PDE3B: variants seen among roughly 807,000 people sequenced by gnomAD.
The protein encoded by PDE3B is cGMP-inhibited 3',5'-cyclic phosphodiesterase 3B.
PDE3B carries 66 observed loss-of-function variants against 116.8 expected under a neutral mutation model. The ratio of observed to expected loss-of-function variants is 0.56; its 90% CI spans 0.46 to 0.69. The LOEUF is 0.69. Ranked by LOEUF, PDE3B falls within the 30% of genes least tolerant of loss-of-function variation. The pLI, the probability that PDE3B is intolerant of heterozygous loss-of-function variation, is 0.00. For missense variants in PDE3B, 1,384 were observed against 1,368.1 expected (o/e 1.01, Z -0.18); for synonymous variants, 595 against 533.6 (o/e 1.12, Z -1.59).
intron 1 of PDE3B, among the ~76,000 whole-genome samples, chr11:14,723,921 G>A (rs1186930241): frequency 6.6e-6 from 1 of 152,192 alleles, no homozygotes; most frequent in African/African-American, 2.4e-5. Flanking sequence ...AGACTAGCAA[G>A]GCCTTGGAAG....
At chr11:14,754,845 CTA>C (rs1397797244) in intron 1 of PDE3B, among the ~76,000 whole-genome samples, 1 of 152,154 alleles carries the variant, frequency 6.6e-6, no homozygotes, top group Non-Finnish European at 1.5e-5. Context: ...GATTTGAACT[CTA>C]TAGGCTCTTT....
rs117671505 is a variant in PDE3B, at chr11:14,828,605, A to G, written c.1808-2093A>G. Reference sequence around the variant, plus strand: ...TAGCGAAATGCAAGTCAAAACCACAATGAAACACCATCTAACACCAGTCAG... The same window carrying G: ...TAGCGAAATGCAAGTCAAAACCACAGTGAAACACCATCTAACACCAGTCAG... On this transcript the variant is annotated intron_variant, in intron 7 of 15. Coordinates refer to ENST00000282096, the MANE Select transcript of PDE3B (RefSeq NM_000922.4). Among the ~76,000 whole-genome samples, 257 of 152,332 alleles carry G rather than the reference A, an allele frequency of 1.7e-3. 2 individuals carry two copies. In the East Asian group the frequency reaches 0.021, roughly 12 times the overall value.
the PDE3B span, chr11:14,890,540 T>A: frequency 2.9e-6 from 1 of 350,344 alleles, no homozygotes; most frequent in Non-Finnish European, 3.7e-6. Flanking sequence ...ACCAATTCTT[T>A]TTTTTTTTTT....
At chr11:14,662,197 G>C (rs778677278) in intron 1 of PDE3B, among the ~76,000 whole-genome samples, 19 of 152,270 alleles carry the variant, frequency 1.2e-4, no homozygotes, top group Non-Finnish European at 1.5e-4. Flanking sequence ...CAGGCAAACA[G>C]GGTCTGGAGT....
At chr11:14,673,813 C>G (rs1174001049) in intron 1 of PDE3B, 1 of 925,552 alleles carries the variant, frequency 1.1e-6, no homozygotes, top group African/African-American at 1.6e-5. Flanking sequence ...TTGGGGTGAT[C>G]TGCAAGAATT....
intron 1 of PDE3B, among the ~76,000 whole-genome samples, chr11:14,681,930 T>C (rs1854722632): frequency 6.6e-6 from 1 of 152,174 alleles, no homozygotes; most frequent in Non-Finnish European, 1.5e-5. Flanking sequence ...ACCTAACTAC[T>C]GATAGCCTGC....
chr11:14,856,404 C>T (rs1437891961), intron 12 of PDE3B, among the ~76,000 whole-genome samples: 2 of 152,052 alleles, frequency 1.3e-5, no homozygotes, highest in East Asian at 3.9e-4. Context: ...AGCTGTTTGT[C>T]AAGACTATTT....
intron 1 of PDE3B, among the ~76,000 whole-genome samples, chr11:14,729,935 A>G (rs1282725523): frequency 6.6e-6 from 1 of 152,214 alleles, no homozygotes; most frequent in Non-Finnish European, 1.5e-5. Flanking sequence ...TTGAAACGTT[A>G]CTGAGAAGCT....
chr11:14,837,078 T>C (rs932004471), intron 11 of PDE3B, among the ~76,000 whole-genome samples: 2 of 152,218 alleles, frequency 1.3e-5, no homozygotes, highest in Non-Finnish European at 2.9e-5. Context: ...CCTCTCAAAG[T>C]GTTAGGATTA....
At chr11:14,712,810 A>G (rs1855749348) in intron 1 of PDE3B, among the ~76,000 whole-genome samples, 1 of 152,154 alleles carries the variant, frequency 6.6e-6, no homozygotes, top group Admixed American at 6.5e-5. Context: ...AATTCTGTGG[A>G]TTGATTTAAC....
intron 1 of PDE3B, among the ~76,000 whole-genome samples, chr11:14,660,004 C>T (rs1195168160): frequency 6.6e-6 from 1 of 152,114 alleles, no homozygotes. Context: ...AATAGTTCAC[C>T]CACACATTCC....
chr11:14,828,431 G>T (rs1255197015), intron 7 of PDE3B, among the ~76,000 whole-genome samples: 2 of 152,084 alleles, frequency 1.3e-5, no homozygotes, highest in Non-Finnish European at 2.9e-5. Context: ...TCTGATAAAG[G>T]CCTAATATCC....
intron 10 of PDE3B, among the ~76,000 whole-genome samples, chr11:14,834,020 A>G (rs1271222465): frequency 1.3e-5 from 2 of 152,300 alleles, no homozygotes; most frequent in African/African-American, 2.4e-5. Flanking sequence ...TGAGAATAAC[A>G]ATAGTACCTA....
the PDE3B span, among the ~76,000 whole-genome samples, chr11:14,895,947 G>A: frequency 1.0e-5 from 1 of 98,670 alleles, no homozygotes; most frequent in Non-Finnish European, 2.5e-5. Flanking sequence ...ATGGTGGTGG[G>A]TGTGGGGGTT....
chr11:14,731,255 A>ATTT (rs778089171), intron 1 of PDE3B, among the ~76,000 whole-genome samples: 31 of 121,094 alleles, frequency 2.6e-4, no homozygotes, highest in East Asian at 9.6e-4. Flanking sequence ...TTTTACTTTG[A>ATTT]TTTTTTTTTT....
At chr11:14,705,790 C>T (rs943363848) in intron 1 of PDE3B, among the ~76,000 whole-genome samples, 1 of 151,630 alleles carries the variant, frequency 6.6e-6, no homozygotes, top group African/African-American at 2.4e-5. Flanking sequence ...GGTCTTAGCT[C>T]ATTTACAAAT....
At chr11:14,873,172 A>C (rs1555009296), downstream of PDE3B, among the ~76,000 whole-genome samples, 1 of 152,226 alleles carries the variant, frequency 6.6e-6, no homozygotes, top group East Asian at 1.9e-4. Flanking sequence ...ATGTAATCTG[A>C]AGTAACCTAA....
the PDE3B span, chr11:14,879,301 A>G: frequency 1.9e-6 from 3 of 1,613,330 alleles, no homozygotes; most frequent in Non-Finnish European, 2.5e-6. Flanking sequence ...CAGAGGTTGC[A>G]TGGAAAATCC....
At chr11:14,716,147 GA>G (rs1329556559) in intron 1 of PDE3B, among the ~76,000 whole-genome samples, 3 of 152,168 alleles carry the variant, frequency 2.0e-5, no homozygotes, top group African/African-American at 7.2e-5. Flanking sequence ...CCGAGTCAAA[GA>G]AAGGGGTGAC....
Sources: allele counts gnomAD v4.1 joint callset (sites outside exome capture counted in the v4.1 genomes callset), GRCh38; gene constraint gnomAD v4.1.1; transcripts MANE v1.5; gene names NCBI Gene and HGNC (gene_info 2026-07-23, HGNC 2026-07-21).